Variants in MSH6 observed in about 807,000 individuals in gnomAD.
MSH6 encodes mutS homolog 6.
A neutral mutation model predicts 119.1 loss-of-function variants in MSH6; 85 were observed. The observed-to-expected ratio is 0.71, with a 90% CI of 0.60 to 0.85. The LOEUF (loss-of-function observed/expected upper bound fraction) is 0.85, where lower values mean the gene tolerates loss of function less well. MSH6 is among the 40% of genes least tolerant of loss of function. The probability of loss-of-function intolerance (pLI) is 0.00; values close to 1 mark genes in which losing one functional copy is unlikely to be tolerated. For synonymous variants in MSH6, 830 were observed against 586.9 expected, an observed-to-expected ratio of 1.41 and a Z score of -5.99; for missense variants, 2,163 against 1,655.3, an observed-to-expected ratio of 1.31 and a Z score of -5.32.
At position 47,801,089 on chromosome 2, in the gene MSH6, C is replaced by T. The variant is rs1558668117; in HGVS notation, c.3106C>T (p.Leu1036=). ...ATCATTGAAGGACTGCATGCGGCGA[C>T]TGTTCTATAACTTTGATAAAAATTA... ...DVSLKDCMRR[L]FYNFDKNYKD... The change falls in exon 4 of 10, where the codon CTG becomes TTG. Residue 1036 remains leucine, a synonymous_variant. Transcript: ENST00000234420. The T allele has an allele frequency of 6.2e-7, 1 of 1,611,334 alleles. No homozygotes were observed. Among genetic ancestry groups the T allele is most frequent in the African/African-American group, 1.3e-5 (1 of 74,944 alleles).
intron 2 of MSH6, 63 bp from the exon 3 acceptor site, chr2:47,795,831 T>A (rs1669046417): frequency 6.8e-7 from 1 of 1,461,990 alleles, no homozygotes; most frequent in African/African-American, 1.4e-5. Flanking sequence ...CTTGAACTGC[T>A]GGGATTACAG....
At chr2:47,792,063 C>T (rs1668762078) in intron 2 of MSH6, among the ~76,000 whole-genome samples, 1 of 152,172 alleles carries the variant, frequency 6.6e-6, no homozygotes, top group Non-Finnish European at 1.5e-5. Flanking sequence ...CCAAGCTGGT[C>T]TTGAACTGCT....
chr2:47,804,841 T>C (rs1436739863), intron 5 of MSH6, 69 bp from the exon 6 acceptor site: 7 of 1,219,412 alleles, frequency 5.7e-6, no homozygotes, highest in South Asian at 1.2e-5. Context: ...TAAGGGTTCA[T>C]AAGAAAGACA....
rs863224335 is a variant in MSH6 at position 47,806,839 on chromosome 2, G to C, written c.4062G>C (p.Leu1354=). 16 of 1,611,154 alleles carry C rather than the reference G, an allele frequency of 9.9e-6. No homozygotes were observed. Among genetic ancestry groups the C allele is most frequent in the African/African-American group, 1.3e-5 (1 of 74,452 alleles). ...ATGCTGAAGCTGTCCATAAATTGCT[G>C]ACTTTGATTAAGGAATTATAGACTG... The part of the protein sequence containing the change: ...TVDAEAVHKL[L]TLIKEL Residue 1354 remains leucine, a synonymous_variant, in exon 10 of 10, where the codon CTG becomes CTC. Coordinates refer to ENST00000234420, the MANE Select transcript of MSH6 (RefSeq NM_000179.3).
chr2:47,809,919 A>G, downstream of MSH6: 4 of 537,320 alleles, frequency 7.4e-6, no homozygotes, highest in South Asian at 1.1e-4. Flanking sequence ...CTTTCGCACC[A>G]ACCTAACTGT....
At chr2:47,809,482 C>G, downstream of MSH6, 1 of 780,394 alleles carries the variant, frequency 1.3e-6, no homozygotes, top group Non-Finnish European at 2.0e-6. Flanking sequence ...CTTTCAAAAT[C>G]TATCTTAAAC....
intron 3 of MSH6, 139 bp downstream of exon 3, chr2:47,796,202 T>C (rs1380857948): frequency 2.2e-6 from 2 of 888,962 alleles, no homozygotes; most frequent in East Asian, 5.3e-5. Context: ...TGCATACTTC[T>C]GTAGTTCCCT....
At chr2:47,784,302 T>C (rs1212728366) in intron 1 of MSH6, 20 of 925,772 alleles carry the variant, frequency 2.2e-5, no homozygotes, top group Non-Finnish European at 2.6e-5. Context: ...GAAATTCGTG[T>C]CGAGTGGAAA....
At chr2:47,802,915 G>A (rs1669687717) in intron 4 of MSH6, among the ~76,000 whole-genome samples, 1 of 151,842 alleles carries the variant, frequency 6.6e-6, no homozygotes, top group Non-Finnish European at 1.5e-5. Flanking sequence ...TTTTGTGTTT[G>A]TTTTGTTTTG....
At position 47,783,337 on chromosome 2, in the gene MSH6, C is replaced by T. The variant is rs776547943; in HGVS notation, c.104C>T (p.Ala35Val). 10 of 1,610,380 alleles carry T rather than the reference C, an allele frequency of 6.2e-6. No homozygotes were observed. The highest frequency in any genetic ancestry group is 8.5e-6 in the Non-Finnish European group (10 of 1,178,810). The change falls in exon 1 of 10, where the codon GCC becomes GTC. Residue 35 changes from alanine (A) to valine (V), a missense_variant. By Grantham distance (64) the Ala-to-Val change is moderately conservative. Coordinates refer to ENST00000234420, the MANE Select transcript of MSH6 (RefSeq NM_000179.3). ...ARASREGGRA[A>V]AAPGASPSPG... The stretch of plus-strand genomic sequence containing the variant: ...GCCTCACGCGAAGGCGGCCGTGCCG[C>T]CGCTGCCCCCGGGGCCTCTCCTTCC...
At chr2:47,803,781 G>GTCT in intron 5 of MSH6, 96 bp downstream of exon 5, 1 of 1,441,532 alleles carries the variant, frequency 6.9e-7, no homozygotes. Context: ...TTACATAAAA[G>GTCT]TCAGCCAGTG....
rs1668110702 is a variant in MSH6 at position 47,783,262 on chromosome 2, T to G, written c.29T>G (p.Phe10Cys). ...TCGCGACAGAGCACCCTGTACAGCT[T>G]CTTCCCCAAGTCTCCGGCGCTGAGT... MSRQSTLYS[F>C]FPKSPALSDA... The change falls in exon 1 of 10, where the codon TTC becomes TGC. Residue 10 changes from phenylalanine to cysteine, a missense_variant. Physicochemically the swap from Phe to Cys is radical, Grantham distance 205. Transcript: ENST00000234420. 1.2e-6 allele frequency: 2 copies of G among 1,612,038 alleles called. No individual in the cohort carries two copies. Among genetic ancestry groups the G allele is most frequent in the Non-Finnish European group, 1.7e-6 (2 of 1,179,582 alleles).
At position 47,783,464 on chromosome 2, in the gene MSH6, G is replaced by A. The variant is rs1558645412; in HGVS notation, c.231G>A (p.Arg77=). ...CGAAGAACCTCAACGGAGGGCTGCG[G>A]AGATCGGTAGCGCCTGCTGCCCCCA... The part of the protein sequence containing the change: ...PKAKNLNGGL[R]RSVAPAAPTS... The change falls in exon 1 of 10, where the codon CGG becomes CGA. Residue 77 remains arginine, a synonymous_variant. Transcript: ENST00000234420. 1 of 1,456,662 alleles carries A rather than the reference G, an allele frequency of 6.9e-7. No individual in the cohort carries two copies. The allele number at this position is 1,456,662 out of a possible 1,614,324, so 90.2% of individuals were successfully genotyped here.
chr2:47,796,190 C>T, intron 3 of MSH6, 127 bp downstream of exon 3: 1 of 948,158 alleles, frequency 1.1e-6, no homozygotes, highest in Non-Finnish European at 1.7e-6. Flanking sequence ...ATTATACATA[C>T]ATGCATACTT....
At chr2:47,790,607 T>G (rs902297081) in intron 1 of MSH6, among the ~76,000 whole-genome samples, 5 of 152,194 alleles carry the variant, frequency 3.3e-5, no homozygotes, top group African/African-American at 1.2e-4. Context: ...GGAGAGCATA[T>G]ACAGTGAGTC....
Position 47,803,467 on chromosome 2 carries a change from ATG to A in MSH6, c.3224_3225del (p.Cys1075SerfsTer17). On this transcript the variant is annotated frameshift_variant, in exon 5 of 10. Transcript: ENST00000234420. LOFTEE classifies it high-confidence loss of function. ...CTATAGTCGAGGGGGTGATGGTCCT[ATG>A]TGTCGCCCAGTAATTCTGTTGCCGG... ...ANYSRGGDGP[M>X]CRPVILLPED... 1 of 1,614,060 alleles carries A rather than the reference ATG, an allele frequency of 6.2e-7. No homozygotes were observed.
intron 3 of MSH6, among the ~76,000 whole-genome samples, chr2:47,797,322 C>G (rs1669160904): frequency 6.6e-6 from 1 of 152,140 alleles, no homozygotes. Context: ...AGGGAATGAG[C>G]AAGTTAATAA....
At position 47,799,495 on chromosome 2, in the gene MSH6, G is replaced by A. The variant is rs2104348639; in HGVS notation, c.1512G>A (p.Lys504=). Residue 504 remains lysine, a synonymous_variant, in exon 4 of 10, where the codon AAG becomes AAA. Coordinates refer to ENST00000234420, the MANE Select transcript of MSH6 (RefSeq NM_000179.3). ...GTAGAAAGATGGCACATATATCCAA[G>A]TATGATAGAGTGGTGAGGAGGGAGA... ...ARCRKMAHIS[K]YDRVVRREIC... The A allele has an allele frequency of 1.2e-6, 2 of 1,614,148 alleles. No individual in the cohort carries two copies. Among genetic ancestry groups the A allele is most frequent in the South Asian group, 1.1e-5 (1 of 91,082 alleles).
intron 2 of MSH6, among the ~76,000 whole-genome samples, chr2:47,793,047 A>G (rs968667668): frequency 6.6e-6 from 1 of 151,616 alleles, no homozygotes; most frequent in Non-Finnish European, 1.5e-5. Flanking sequence ...GGGGCCGGGC[A>G]TGGTGGCTCA....
Sources: allele counts gnomAD v4.1 joint callset (sites outside exome capture counted in the v4.1 genomes callset), GRCh38; gene constraint gnomAD v4.1.1; transcripts MANE v1.5; gene names NCBI Gene and HGNC (gene_info 2026-07-23, HGNC 2026-07-21).